The following CDH1 variants were observed in gnomAD, a reference collection of about 807,000 sequenced individuals.
The protein encoded by CDH1 is cadherin-1.
Under a neutral mutation model 84.5 loss-of-function variants are expected in CDH1, and 35 were observed. The ratio of observed to expected loss-of-function variants is 0.41; its 90% CI spans 0.32 to 0.55. CDH1 has a LOEUF of 0.55. Ranked by LOEUF, CDH1 falls within the 20% of genes least tolerant of loss-of-function variation. The pLI, the probability that CDH1 is intolerant of heterozygous loss-of-function variation, is 0.19. For missense variants in CDH1, 994 were observed against 1,126.6 expected, an observed-to-expected ratio of 0.88 and a Z score of 1.68; for synonymous variants, 417 against 439.0, an observed-to-expected ratio of 0.95 and a Z score of 0.63.
At chr16:68,777,164 A>G (rs1389120545) in intron 2 of CDH1, among the ~76,000 whole-genome samples, 3 of 152,208 alleles carry the variant, frequency 2.0e-5, no homozygotes, top group Non-Finnish European at 4.4e-5. Context: ...TGCTTCCTTC[A>G]GTCTTTCTCA....
At chr16:68,829,562 A>G (rs889273329) in intron 14 of CDH1, 92 bp from the exon 15 acceptor site, 1 of 1,277,714 alleles carries the variant, frequency 7.8e-7, no homozygotes, top group Non-Finnish European at 1.1e-6. Context: ...TGAAGGCATC[A>G]TCCAACCATA....
chr16:68,760,482 T>G (rs1963139399), intron 2 of CDH1, among the ~76,000 whole-genome samples: 1 of 152,014 alleles, frequency 6.6e-6, no homozygotes, highest in Non-Finnish European at 1.5e-5. Context: ...AGTATAACCG[T>G]CTCCTGCCCC....
chr16:68,811,293 A>T (rs749041074), intron 6 of CDH1, among the ~76,000 whole-genome samples: 4 of 150,188 alleles, frequency 2.7e-5, no homozygotes, highest in Non-Finnish European at 5.9e-5. Flanking sequence ...GATACTTGGG[A>T]GGCTGAAGCA....
At chr16:68,817,669 G>A (rs148038924) in intron 10 of CDH1, among the ~76,000 whole-genome samples, 4 of 152,106 alleles carry the variant, frequency 2.6e-5, no homozygotes, top group East Asian at 1.9e-4. Context: ...TGCCCCCACC[G>A]ACCCCTGAAA....
At chr16:68,802,862 C>T (rs1597885802) in intron 3 of CDH1, among the ~76,000 whole-genome samples, 1 of 152,064 alleles carries the variant, frequency 6.6e-6, no homozygotes, top group Non-Finnish European at 1.5e-5. Flanking sequence ...CAGCTCTTAC[C>T]CCATTAGACT....
rs864622319 is a variant in CDH1, at chr16:68,822,059, C to A, written c.1770C>A (p.Asp590Glu). Reference protein sequence around the residue: ...TLLLILSDVNDNAPIPEPRTI... With the variant: ...TLLLILSDVNENAPIPEPRTI... ...TGCTGATCCTGTCTGATGTGAATGA[C>A]AACGCCCCCATACCAGAACCTCGAA... Residue 590 changes from aspartate to glutamate, a missense_variant, in exon 12 of 16, where the codon GAC (aspartate) becomes GAA (glutamate). Physicochemically the swap from Asp to Glu is conservative, Grantham distance 45. Around this residue, in one of 3 missense-constraint regions of CDH1, gnomAD observed 769 missense variants for 881.8 expected, o/e 0.87. Transcript: ENST00000261769. 1.2e-6 allele frequency: 2 copies of A among 1,614,076 alleles called. No individual in the cohort carries two copies. Among genetic ancestry groups the A allele is most frequent in the Non-Finnish European group, 1.7e-6 (2 of 1,180,044 alleles).
At chr16:68,832,405 G>A (rs1168242092) in intron 15 of CDH1, among the ~76,000 whole-genome samples, 1 of 151,924 alleles carries the variant, frequency 6.6e-6, no homozygotes, top group Non-Finnish European at 1.5e-5. Flanking sequence ...GAACCCAGGA[G>A]GTGGAGGATG....
chr16:68,800,553 A>G (rs934066636), intron 2 of CDH1, among the ~76,000 whole-genome samples: 11 of 152,210 alleles, frequency 7.2e-5, no homozygotes, highest in Admixed American at 1.3e-4. Context: ...GTAAGATAGG[A>G]CGGCAGGAAT....
At chr16:68,737,993 A>G (rs906653003) in intron 1 of CDH1, among the ~76,000 whole-genome samples, 10 of 152,126 alleles carry the variant, frequency 6.6e-5, no homozygotes, top group Non-Finnish European at 1.3e-4. Context: ...GGTCTAAGGA[A>G]AGTGGGGTAC....
intron 2 of CDH1, among the ~76,000 whole-genome samples, chr16:68,754,023 G>A (rs1303681406): frequency 6.6e-6 from 1 of 151,758 alleles, no homozygotes; most frequent in Non-Finnish European, 1.5e-5. Context: ...GGAGGCTGAG[G>A]CAGGAGAATG....
intron 2 of CDH1, among the ~76,000 whole-genome samples, chr16:68,799,709 C>T (rs1268616290): frequency 6.6e-6 from 1 of 151,930 alleles, no homozygotes; most frequent in Non-Finnish European, 1.5e-5. Context: ...TATAATCTTC[C>T]TTTTAAAAAT....
intron 11 of CDH1, among the ~76,000 whole-genome samples, chr16:68,820,344 G>T (rs1242201475): frequency 6.6e-6 from 1 of 150,952 alleles, no homozygotes; most frequent in Non-Finnish European, 1.5e-5. Context: ...CCTTGGATTT[G>T]CTGTTTAATT....
At chr16:68,781,862 C>A (rs1202664004) in intron 2 of CDH1, among the ~76,000 whole-genome samples, 4 of 152,104 alleles carry the variant, frequency 2.6e-5, no homozygotes, top group African/African-American at 9.7e-5. Context: ...ATATCTTAAC[C>A]CACAGTTCCA....
intron 2 of CDH1, 65 bp downstream of exon 2, chr16:68,738,476 G>A: frequency 9.0e-7 from 1 of 1,108,108 alleles, no homozygotes; most frequent in Non-Finnish European, 1.3e-6. Context: ...CCGAGAAATT[G>A]CACTCCCACA....
chr16:68,746,585 C>G (rs1031299826), intron 2 of CDH1, among the ~76,000 whole-genome samples: 71 of 152,150 alleles, frequency 4.7e-4, no homozygotes, highest in African/African-American at 1.7e-3. Context: ...AGGTCACACC[C>G]TTGATCAGGG....
rs1197795886 is a variant in CDH1 at position 68,833,536 on chromosome 16, G to A, written c.*37G>A. ...GAGGCGGGCCCCAGACCCATGTGCT[G>A]GGAAATGCAGAAATCACGTTGCTGG... On this transcript the variant is annotated 3_prime_UTR_variant, in exon 16 of 16. Transcript: ENST00000261769. The A allele has an allele frequency of 6.5e-7, 1 of 1,536,864 alleles. No homozygotes were observed. The highest frequency in any genetic ancestry group is 9.0e-7 in the Non-Finnish European group (1 of 1,111,436).
chr16:68,816,547 G>C lies in CDH1; in HGVS notation c.1565+788G>C, dbSNP rs528215562. Among the ~76,000 whole-genome samples, 3 of 152,270 alleles carry C rather than the reference G, an allele frequency of 2.0e-5. No individual in the cohort carries two copies. In the East Asian group the frequency reaches 5.8e-4, roughly 29 times the overall value. ...GATCACTTTGAGGCCAGGTGTTGAA[G>C]ACCAGTCTGGCCAACATGGTGAAAC... On this transcript the variant is annotated intron_variant, in intron 10 of 15. Coordinates refer to ENST00000261769, the MANE Select transcript of CDH1 (RefSeq NM_004360.5).
chr16:68,825,962 A>T (rs1182981480), intron 13 of CDH1, among the ~76,000 whole-genome samples: 2 of 151,786 alleles, frequency 1.3e-5, no homozygotes, highest in African/African-American at 4.8e-5. Flanking sequence ...GACCACAGGC[A>T]TGAGCCACCA....
rs778871891 is a variant in CDH1, at chr16:68,815,674, G to C, written c.1480G>C (p.Glu494Gln). 1 of 1,614,226 alleles carries C rather than the reference G, an allele frequency of 6.2e-7. No homozygotes were observed. Among genetic ancestry groups the C allele is most frequent in the Non-Finnish European group, 8.5e-7 (1 of 1,180,038 alleles). Residue 494 changes from glutamate to glutamine, a missense_variant, in exon 10 of 16, where the codon GAA becomes CAA. This residue lies in a region of CDH1 where 769 missense variants were observed against 881.8 expected (regional missense o/e 0.87). Coordinates refer to ENST00000261769, the MANE Select transcript of CDH1 (RefSeq NM_004360.5). ...CTTTGTGCCTCCTGAAAAGAGAGTGGAAGTGTCCGAGGACTTTGGCGTGGG... is the reference window on the plus strand; with the variant it reads ...CTTTGTGCCTCCTGAAAAGAGAGTGCAAGTGTCCGAGGACTTTGGCGTGGG... ...PIFVPPEKRV[E>Q]VSEDFGVGQE...
Sources: gnomAD v4.1 joint callset for allele counts (sites outside exome capture counted in the v4.1 genomes callset) on GRCh38, gnomAD v4.1.1 for gene constraint, gnomAD v4.1.1 regional missense constraint, MANE v1.5 for transcripts, NCBI Gene and HGNC (gene_info 2026-07-23, HGNC 2026-07-21) for gene names.